Variants in AK8 observed in about 807,000 individuals in gnomAD.
AK8 encodes adenylate kinase 8, also known as ATP-AMP transphosphorylase 8.
In AK8, 44 loss-of-function variants were observed where a neutral mutation model predicts 54.6. The observed-to-expected ratio is 0.81, with a 90% CI of 0.63 to 1.04. The LOEUF (loss-of-function observed/expected upper bound fraction) is 1.04, where lower values mean the gene tolerates loss of function less well. AK8 is among the 50% of genes least tolerant of loss of function. The pLI is 0.00. For synonymous variants in AK8, 239 were observed against 245.6 expected, an observed-to-expected ratio of 0.97 and a Z score of 0.25; for missense variants, 555 against 613.6, an observed-to-expected ratio of 0.90 and a Z score of 1.01.
chr9:132,795,704 G>A (rs556120235), intron 10 of AK8, among the ~76,000 whole-genome samples: 5 of 152,160 alleles, frequency 3.3e-5, no homozygotes, highest in East Asian at 1.9e-4. Flanking sequence ...CAAGGCCCCC[G>A]GGCTCCTGAA....
intron 9 of AK8, among the ~76,000 whole-genome samples, chr9:132,820,511 CCT>C (rs1463326156): frequency 1.3e-5 from 2 of 152,300 alleles, no homozygotes; most frequent in Non-Finnish European, 2.9e-5. Flanking sequence ...TTAGAGGTTG[CCT>C]CTGTTTCTCA....
At chr9:132,871,589 C>G (rs761121222) in intron 2 of AK8, among the ~76,000 whole-genome samples, 1 of 152,218 alleles carries the variant, frequency 6.6e-6, no homozygotes, top group South Asian at 2.1e-4. Context: ...CTCAGCTATT[C>G]AGGAGGACAG....
intron 5 of AK8, among the ~76,000 whole-genome samples, chr9:132,829,272 T>C (rs1032419998): frequency 2.0e-5 from 3 of 151,928 alleles, no homozygotes; most frequent in African/African-American, 7.3e-5. Flanking sequence ...TCTTGATTTT[T>C]TTCTACCACA....
intron 5 of AK8, among the ~76,000 whole-genome samples, chr9:132,847,144 G>T (rs1842783173): frequency 6.6e-6 from 1 of 152,234 alleles, no homozygotes; most frequent in Non-Finnish European, 1.5e-5. Context: ...GACCAGGAGA[G>T]CGGGCCGGGG....
At chr9:132,742,073 A>G (rs1837415894) in intron 11 of AK8, among the ~76,000 whole-genome samples, 2 of 152,074 alleles carry the variant, frequency 1.3e-5, no homozygotes, top group South Asian at 2.1e-4. Context: ...AGACTGTCGC[A>G]TGGATCAGAA....
chr9:132,774,779 G>A (rs1039580071), intron 11 of AK8, among the ~76,000 whole-genome samples: 16 of 152,128 alleles, frequency 1.1e-4, no homozygotes, highest in Admixed American at 2.6e-4. Context: ...TTGTCCACCC[G>A]AGGCATGGAG....
At position 132,770,980 on chromosome 9, in the gene AK8, C is replaced by G. The variant is rs1456463725; in HGVS notation, c.1121+21654G>C. Among the ~76,000 whole-genome samples the G allele has an allele frequency of 6.6e-6, 1 of 152,130 alleles. No homozygotes were observed. The highest frequency in any genetic ancestry group is 1.5e-5 in the Non-Finnish European group (1 of 68,010). ...CAGGAGATGGGAGGGTCTGGCTGAG[C>G]AGGGGGCCTCAGGAGGCCTCTGGGA... On this transcript the variant is annotated intron_variant, in intron 11 of 12. Coordinates refer to ENST00000298545, the MANE Select transcript of AK8 (RefSeq NM_152572.3). This position sits in a 1 kb window ranked among gnomAD's most constrained non-coding sequence, Gnocchi z 4.3.
At chr9:132,745,431 C>G (rs915184014) in intron 11 of AK8, among the ~76,000 whole-genome samples, 1 of 152,082 alleles carries the variant, frequency 6.6e-6, no homozygotes, top group Non-Finnish European at 1.5e-5. Context: ...GCGTCCGTGT[C>G]GCGGCTGTAA....
chr9:132,756,595 C>T (rs543279287), intron 11 of AK8, among the ~76,000 whole-genome samples: 72 of 152,116 alleles, frequency 4.7e-4, no homozygotes, highest in Non-Finnish European at 7.4e-4. Context: ...CTCCGAAGTG[C>T]GAACAGAATC....
In AK8 at chr9:132,790,543, C is replaced by A. The variant is rs1839903955; in HGVS notation, c.1121+2091G>T. On this transcript the variant is annotated intron_variant, in intron 11 of 12. Coordinates refer to ENST00000298545, the MANE Select transcript of AK8 (RefSeq NM_152572.3). The surrounding 1 kb of genome is among the most constrained non-coding windows in gnomAD (Gnocchi z 4.1). ...GGGATTACAGGCGTGAGCCACTGTG[C>A]CCGGCCAACTTCTTTAACTTCATAC... Among the ~76,000 whole-genome samples, 1 of 152,198 alleles carries A rather than the reference C, an allele frequency of 6.6e-6. No homozygotes were observed. Among genetic ancestry groups the A allele is most frequent in the Non-Finnish European group, 1.5e-5 (1 of 68,022 alleles).
At chr9:132,814,756 C>G (rs1841241613) in intron 9 of AK8, 29 bp from the exon 10 acceptor site, 2 of 1,592,998 alleles carry the variant, frequency 1.3e-6, no homozygotes, top group Non-Finnish European at 1.7e-6. Context: ...GAAAGACACC[C>G]ATTAAATTTT....
At chr9:132,767,214 T>G (rs1838760868) in intron 11 of AK8, among the ~76,000 whole-genome samples, 1 of 152,208 alleles carries the variant, frequency 6.6e-6, no homozygotes, top group East Asian at 1.9e-4. Context: ...AGGAAGTATT[T>G]GTAAACTATC....
intron 8 of AK8, among the ~76,000 whole-genome samples, chr9:132,824,246 A>G (rs1841781870): frequency 6.6e-6 from 1 of 152,176 alleles, no homozygotes; most frequent in Non-Finnish European, 1.5e-5. Flanking sequence ...TGAGGCACGG[A>G]CCTGTGCCAG....
intron 5 of AK8, among the ~76,000 whole-genome samples, chr9:132,847,749 G>A (rs987704479): frequency 4.6e-5 from 7 of 152,176 alleles, no homozygotes; most frequent in Non-Finnish European, 8.8e-5. Flanking sequence ...GGGAGGCCAA[G>A]ACATGTGGAT....
chr9:132,813,330 C>T (rs1056872968), intron 10 of AK8, among the ~76,000 whole-genome samples: 2 of 152,238 alleles, frequency 1.3e-5, no homozygotes, highest in Middle Eastern at 3.4e-3. Flanking sequence ...GGACATCTCC[C>T]GGGGAGGCCC....
intron 4 of AK8, among the ~76,000 whole-genome samples, chr9:132,858,928 G>A (rs1289383198): frequency 6.6e-6 from 1 of 152,234 alleles, no homozygotes; most frequent in Non-Finnish European, 1.5e-5. Flanking sequence ...AATTTTCACA[G>A]GAGTGACGGA....
At chr9:132,834,835 T>A (rs1025521460) in intron 5 of AK8, among the ~76,000 whole-genome samples, 7 of 151,538 alleles carry the variant, frequency 4.6e-5, no homozygotes, top group Non-Finnish European at 8.8e-5. Flanking sequence ...TATGAAAACC[T>A]GGTAAAGCCC....
rs753802659 is a variant in AK8, at chr9:132,827,992, T to A, written c.556+21A>T. On this transcript the variant is annotated intron_variant, in intron 7 of 12. Coordinates refer to ENST00000298545, the MANE Select transcript of AK8 (RefSeq NM_152572.3). ...GACTCTGAAACCCCATGGGGCTGGGTGGGGGTGGCCGTAGCCATACCTCCA... is the reference window on the plus strand; with the variant it reads ...GACTCTGAAACCCCATGGGGCTGGGAGGGGGTGGCCGTAGCCATACCTCCA... 25 of 1,554,500 alleles carry A rather than the reference T, an allele frequency of 1.6e-5. No individual in the cohort carries two copies. In the South Asian group the frequency reaches 3.0e-4, roughly 18 times the overall value.
intron 11 of AK8, among the ~76,000 whole-genome samples, chr9:132,765,930 A>T (rs1720503231): frequency 6.6e-6 from 1 of 152,244 alleles, no homozygotes; most frequent in Non-Finnish European, 1.5e-5. Context: ...GATTTTGCAT[A>T]TAGGAAACCC....
Sources: allele counts gnomAD v4.1 joint callset (sites outside exome capture counted in the v4.1 genomes callset), GRCh38; gene constraint gnomAD v4.1.1; non-coding constraint Gnocchi (gnomAD v3.1); transcripts MANE v1.5; gene names NCBI Gene and HGNC (gene_info 2026-07-23, HGNC 2026-07-21).